The following TEAD1 variants were observed in gnomAD, a reference collection of about 807,000 sequenced individuals.
TEAD1 encodes TEA domain transcription factor 1.
Under a neutral mutation model 54.9 loss-of-function variants are expected in TEAD1, and 9 were observed. The observed-to-expected ratio is 0.16, with a 90% CI of 0.10 to 0.29. The LOEUF is 0.29. Ranked by LOEUF, TEAD1 falls within the 10% of genes least tolerant of loss-of-function variation. TEAD1 has a pLI of 1.00. For synonymous variants in TEAD1, 200 were observed against 187.8 expected, an observed-to-expected ratio of 1.07 and a Z score of -0.53; for missense variants, 387 against 535.9, an observed-to-expected ratio of 0.72 and a Z score of 2.74.
At chr11:12,921,774 C>T (rs1201919767) in intron 10 of TEAD1, among the ~76,000 whole-genome samples, 2 of 152,054 alleles carry the variant, frequency 1.3e-5, no homozygotes, top group Non-Finnish European at 2.9e-5. Flanking sequence ...CCCCTCTGCC[C>T]TGGAGACTGG....
In TEAD1 at chr11:12,730,414, GTGTT is replaced by G. The variant is rs1944396345; in HGVS notation, c.-54-33763_-54-33760del. 3.0e-5 allele frequency among the ~76,000 whole-genome samples: 3 copies of G among 98,950 alleles called. No homozygotes were observed. In the South Asian group the frequency reaches 1.2e-3, roughly 40 times the overall value. The allele number at this position is 98,950 out of a possible 152,430, so 64.9% of individuals were successfully genotyped here. On this transcript the variant is annotated intron_variant, in intron 2 of 12. Transcript: ENST00000527636. ...TTTGAAACTTTTGATTCCCAGTTGA[GTGTT>G]TTTTTTTTTTTTTTTTTTTTTTTTC...
At chr11:12,680,858 G>A (rs1488041285) in intron 2 of TEAD1, among the ~76,000 whole-genome samples, 3 of 152,182 alleles carry the variant, frequency 2.0e-5, no homozygotes, top group East Asian at 1.9e-4. Flanking sequence ...AGCAACAGGC[G>A]GCAGAACTTG....
intron 2 of TEAD1, among the ~76,000 whole-genome samples, chr11:12,737,964 A>G (rs1208619562): frequency 6.6e-6 from 1 of 152,204 alleles, no homozygotes; most frequent in African/African-American, 2.4e-5. Flanking sequence ...GCATGGCGGC[A>G]GGCTAGAGAG....
intron 7 of TEAD1, among the ~76,000 whole-genome samples, chr11:12,881,540 A>C (rs1049117813): frequency 7.2e-5 from 11 of 152,200 alleles, no homozygotes; most frequent in East Asian, 1.9e-4. Context: ...GTAAAAAAAA[A>C]CTTGCATTGT....
chr11:12,930,461 C>T, intron 12 of TEAD1, 135 bp downstream of exon 12: 1 of 1,062,734 alleles, frequency 9.4e-7, no homozygotes, highest in Non-Finnish European at 1.4e-6. Flanking sequence ...TCCTAGTGGT[C>T]AGTCAGCAGT....
chr11:12,891,284 C>T lies in TEAD1; in HGVS notation c.699+8159C>T, dbSNP rs192969696. 4.6e-5 allele frequency among the ~76,000 whole-genome samples: 7 copies of T among 152,342 alleles called. No individual in the cohort carries two copies. In the East Asian group the frequency reaches 1.4e-3, roughly 29 times the overall value. ...TGAATATGTATTCTCCCACCCCACC[C>T]TGCTTTTTAAAGAGAGGATGTGATC... On this transcript the variant is annotated intron_variant, in intron 9 of 12. Transcript: ENST00000527636.
Position 12,724,787 on chromosome 11 carries a change from C to G in TEAD1, c.-54-39392C>G, listed in dbSNP as rs972549236. ...CCTCTCCCTGCCCTCTCCTCCTCGCCCCTCCTTTCCTTGGAAGGCTGGCTC... is the reference window on the plus strand; with the variant it reads ...CCTCTCCCTGCCCTCTCCTCCTCGCGCCTCCTTTCCTTGGAAGGCTGGCTC... On this transcript the variant is annotated intron_variant, in intron 2 of 12. Transcript: ENST00000527636. 2.6e-5 allele frequency among the ~76,000 whole-genome samples: 4 copies of G among 152,180 alleles called. No individual in the cohort carries two copies. In the East Asian group the frequency reaches 7.7e-4, roughly 29 times the overall value.
chr11:12,878,826 A>G lies in TEAD1; in HGVS notation c.331-882A>G. The G allele has an allele frequency of 3.5e-6, 4 of 1,132,548 alleles. No individual in the cohort carries two copies. In the South Asian group the frequency reaches 5.5e-5, roughly 16 times the overall value. The allele number at this position is 1,132,548 out of a possible 1,614,324, so 70.2% of individuals were successfully genotyped here. A position where few individuals can be genotyped will look rare whatever the true frequency, so the allele number is the denominator to read the frequency against. ...ATATATATATGTTTTTTTTTTAACC[A>G]AAGAAGAAAAAAAATCCCTTTTTAT... On this transcript the variant is annotated intron_variant, in intron 5 of 12. Transcript: ENST00000527636.
intron 2 of TEAD1, among the ~76,000 whole-genome samples, chr11:12,735,352 C>T (rs1307371747): frequency 6.6e-6 from 1 of 152,012 alleles, no homozygotes; most frequent in Non-Finnish European, 1.5e-5. Context: ...CTGGAGGATT[C>T]GAGAAGGGCA....
intron 3 of TEAD1, among the ~76,000 whole-genome samples, chr11:12,824,151 T>C (rs73425631): frequency 0.045 from 6,923 of 152,294 alleles, 567 homozygotes; most frequent in African/African-American, 0.16. Flanking sequence ...TTCTGTGAAA[T>C]CCCCAATTGT....
intron 3 of TEAD1, among the ~76,000 whole-genome samples, chr11:12,780,611 A>T (rs11603584): frequency 0.067 from 10,142 of 152,308 alleles, 476 homozygotes; most frequent in Non-Finnish European, 0.1. Flanking sequence ...TATTCATCAT[A>T]GTGTGAAAAA....
intron 2 of TEAD1, among the ~76,000 whole-genome samples, chr11:12,725,802 TA>T (rs1330019577): frequency 6.6e-6 from 1 of 152,168 alleles, no homozygotes; most frequent in Admixed American, 6.5e-5. Context: ...GAGCTGGTTG[TA>T]CAGGAAGGCT....
intron 2 of TEAD1, among the ~76,000 whole-genome samples, chr11:12,693,842 C>CCTCATA (rs1470137424): frequency 1.3e-5 from 2 of 152,196 alleles, no homozygotes; most frequent in Non-Finnish European, 2.9e-5. Context: ...CCACTACAAG[C>CCTCATA]CTCATAGTTC....
intron 2 of TEAD1, among the ~76,000 whole-genome samples, chr11:12,689,253 TCTG>T (rs926825990): frequency 1.7e-4 from 26 of 152,194 alleles, no homozygotes; most frequent in African/African-American, 6.3e-4. Flanking sequence ...AAGCACCACT[TCTG>T]CTCTCTTTAA....
chr11:12,810,090 C>T (rs561280582), intron 3 of TEAD1, among the ~76,000 whole-genome samples: 1 of 147,108 alleles, frequency 6.8e-6, no homozygotes, highest in South Asian at 2.2e-4. Context: ...AAGCAGTTCT[C>T]CTGACTCAGC....
intron 9 of TEAD1, among the ~76,000 whole-genome samples, chr11:12,898,134 T>TCTTC (rs982651900): frequency 1.3e-5 from 2 of 152,132 alleles, no homozygotes; most frequent in Non-Finnish European, 2.9e-5. Context: ...ACACAAGGTC[T>TCTTC]CTTCCTTCCT....
At chr11:12,726,496 G>T (rs1445812943) in intron 2 of TEAD1, among the ~76,000 whole-genome samples, 4 of 152,178 alleles carry the variant, frequency 2.6e-5, no homozygotes, top group East Asian at 1.9e-4. Flanking sequence ...GCTAATCTGG[G>T]TTGGGATGTG....
intron 3 of TEAD1, 49 bp downstream of exon 3, chr11:12,764,483 G>C: frequency 6.3e-7 from 1 of 1,597,022 alleles, no homozygotes; most frequent in Non-Finnish European, 8.6e-7. Flanking sequence ...TGCAGTTGTG[G>C]TAGGGGATAG....
intron 2 of TEAD1, among the ~76,000 whole-genome samples, chr11:12,755,372 G>A (rs938539711): frequency 8.5e-5 from 13 of 152,124 alleles, no homozygotes; most frequent in African/African-American, 2.7e-4. Context: ...ATGGTGAATC[G>A]TACCAACTAA....
Sources: allele counts gnomAD v4.1 joint callset (sites outside exome capture counted in the v4.1 genomes callset), GRCh38; gene constraint gnomAD v4.1.1; transcripts MANE v1.5; gene names NCBI Gene and HGNC (gene_info 2026-07-23, HGNC 2026-07-21).